Variants in PODXL observed in about 807,000 individuals in gnomAD.
PODXL encodes the protein podocalyxin.
Under a neutral mutation model 48.9 loss-of-function variants are expected in PODXL, and 20 were observed. The observed-to-expected ratio is 0.41, with a 90% CI of 0.29 to 0.59. PODXL has a LOEUF of 0.59. PODXL is among the 20% of genes least tolerant of loss of function. The pLI is 0.31. For missense variants in PODXL, 606 were observed against 675.1 expected (o/e 0.90, Z 1.13); for synonymous variants, 295 against 287.4 (o/e 1.03, Z -0.27).
chr7:131,508,763 A>C (rs1797855517), intron 5 of PODXL, among the ~76,000 whole-genome samples, 188 bp downstream of exon 5: 1 of 152,058 alleles, frequency 6.6e-6, no homozygotes, highest in South Asian at 2.1e-4. Context: ...GAGAAGTCTT[A>C]AACCTTGGTC....
intron 1 of PODXL, among the ~76,000 whole-genome samples, chr7:131,553,639 T>C (rs1798699407): frequency 6.6e-6 from 1 of 152,230 alleles, no homozygotes; most frequent in African/African-American, 2.4e-5. Context: ...ATTTTGTCCA[T>C]GGTCATGCAC....
intron 1 of PODXL, among the ~76,000 whole-genome samples, chr7:131,537,573 T>A (rs1256651782): frequency 1.4e-5 from 2 of 148,094 alleles, no homozygotes; most frequent in Non-Finnish European, 3.0e-5. Flanking sequence ...AGCCTGGGCA[T>A]GGAAGCAAGA....
At chr7:131,551,030 G>C (rs886924719) in intron 1 of PODXL, among the ~76,000 whole-genome samples, 1 of 152,126 alleles carries the variant, frequency 6.6e-6, no homozygotes, top group Non-Finnish European at 1.5e-5. Context: ...ATTCCACATT[G>C]CACAGCCTGC....
chr7:131,534,821 G>A (rs1798344022), intron 1 of PODXL, among the ~76,000 whole-genome samples: 1 of 152,144 alleles, frequency 6.6e-6, no homozygotes, highest in African/African-American at 2.4e-5. Flanking sequence ...AAGCTGAGGT[G>A]GGCAGATCGC....
chr7:131,532,448 A>T (rs1814290), intron 1 of PODXL, among the ~76,000 whole-genome samples: 125,505 of 143,154 alleles, frequency 0.88, 55,343 homozygotes, highest in East Asian at 0.99. Context: ...AAAAAAAAAA[A>T]AAATTAAAAA....
chr7:131,545,450 T>C (rs950621658), intron 1 of PODXL, among the ~76,000 whole-genome samples: 4 of 152,258 alleles, frequency 2.6e-5, no homozygotes, highest in African/African-American at 9.6e-5. Flanking sequence ...AAGTCCCACA[T>C]CCCAGGATAA....
At chr7:131,546,861 T>G (rs1321563749) in intron 1 of PODXL, among the ~76,000 whole-genome samples, 4 of 152,054 alleles carry the variant, frequency 2.6e-5, no homozygotes, top group African/African-American at 9.7e-5. Context: ...AGTGGCTTCT[T>G]AGCTAAGCCC....
At chr7:131,555,907 C>T (rs1798734066) in intron 1 of PODXL, among the ~76,000 whole-genome samples, 1 of 152,256 alleles carries the variant, frequency 6.6e-6, no homozygotes, top group Non-Finnish European at 1.5e-5. Flanking sequence ...AAGGTGTAAT[C>T]AGATCCCGAG....
At chr7:131,540,724 G>A (rs1197059663) in intron 1 of PODXL, among the ~76,000 whole-genome samples, 12 of 152,204 alleles carry the variant, frequency 7.9e-5, no homozygotes, top group African/African-American at 2.7e-4. Context: ...TCCTGCAGCC[G>A]TGAAAATAAC....
intron 1 of PODXL, among the ~76,000 whole-genome samples, chr7:131,539,087 C>G (rs1280948276): frequency 6.6e-6 from 1 of 152,200 alleles, no homozygotes; most frequent in Non-Finnish European, 1.5e-5. Flanking sequence ...AAGATGGGCT[C>G]CCAAACAAGT....
At chr7:131,544,261 C>T (rs1375713189) in intron 1 of PODXL, among the ~76,000 whole-genome samples, 1 of 152,232 alleles carries the variant, frequency 6.6e-6, no homozygotes, top group East Asian at 1.9e-4. Context: ...ACAGGAGACC[C>T]CAGGGCCAGT....
At chr7:131,529,121 T>C (rs1798232918) in intron 1 of PODXL, among the ~76,000 whole-genome samples, 1 of 152,054 alleles carries the variant, frequency 6.6e-6, no homozygotes, top group Non-Finnish European at 1.5e-5. Context: ...GGGTATTTCA[T>C]TGTTTACCCA....
At position 131,523,453 on chromosome 7, in the gene PODXL, C is replaced by A. The variant is rs529453971; in HGVS notation, c.101-12020G>T. On this transcript the variant is annotated intron_variant, in intron 1 of 8. Transcript: ENST00000378555. ...ATCCCAGCATTTTGGGAGGGTGAGG[C>A]GGGCAGATCACGAGGTCAGGAGATC... is the stretch of plus-strand genomic sequence containing the variant. Among the ~76,000 whole-genome samples the A allele has an allele frequency of 2.0e-5, 3 of 151,984 alleles. No homozygotes were observed. In the South Asian group the frequency reaches 6.2e-4, roughly 32 times the overall value.
At chr7:131,533,066 TA>T (rs767121127) in intron 1 of PODXL, among the ~76,000 whole-genome samples, 1 of 152,120 alleles carries the variant, frequency 6.6e-6, no homozygotes, top group Non-Finnish European at 1.5e-5. Context: ...TGGAGATTAA[TA>T]ACGAGAACAG....
intron 6 of PODXL, 72 bp downstream of exon 6, chr7:131,506,507 A>C: frequency 6.5e-7 from 1 of 1,536,670 alleles, no homozygotes; most frequent in Non-Finnish European, 8.9e-7. Flanking sequence ...CCCACCCTCC[A>C]ATGTGGCTTC....
chr7:131,511,404 T>A lies in PODXL; in HGVS notation c.130A>T (p.Lys44Ter). The change falls in exon 2 of 9, where the codon AAA (lysine) becomes TAA (stop). Residue 44 changes from lysine to a stop codon, truncating the protein, a stop_gained. Transcript: ENST00000378555. LOFTEE classifies it high-confidence loss of function. Reference protein sequence around the residue: ...ATQTTTDSSNKTAPTPASSVT... With the variant: ...ATQTTTDSSN ...CTGGATGCTGGAGTCGGTGCTGTTT[T>A]GTTAGATGAGTCCGTAGTAGTCTGG... 6.2e-7 allele frequency: 1 copy of A among 1,602,560 alleles called. No individual in the cohort carries two copies. The highest frequency in any genetic ancestry group is 8.5e-7 in the Non-Finnish European group (1 of 1,179,912).
At chr7:131,504,569 C>T (rs1044723790) in intron 8 of PODXL, 61 bp from the exon 9 acceptor site, 27 of 1,384,930 alleles carry the variant, frequency 1.9e-5, no homozygotes, top group African/African-American at 8.5e-5. Flanking sequence ...CTTAATACAG[C>T]GCATGTACGT....
intron 1 of PODXL, among the ~76,000 whole-genome samples, chr7:131,546,757 G>C (rs1798583153): frequency 7.3e-6 from 1 of 137,038 alleles, no homozygotes; most frequent in African/African-American, 2.7e-5. Context: ...AAAAAAGTCT[G>C]TTTTGACTCA....
At chr7:131,509,277 G>T (rs557977925) in intron 4 of PODXL, 88 bp downstream of exon 4, 3 of 1,095,138 alleles carry the variant, frequency 2.7e-6, no homozygotes, top group Non-Finnish European at 4.2e-6. Context: ...GGGGCCCTGC[G>T]TTGGAGGAAA....
Sources: allele counts gnomAD v4.1 joint callset (sites outside exome capture counted in the v4.1 genomes callset), GRCh38; gene constraint gnomAD v4.1.1; transcripts MANE v1.5; gene names NCBI Gene and HGNC (gene_info 2026-07-23, HGNC 2026-07-21).